The following LRRK2 variants were observed in gnomAD, a reference collection of about 807,000 sequenced individuals.
LRRK2 encodes the protein leucine-rich repeat serine/threonine-protein kinase 2.
Under a neutral mutation model 302.6 loss-of-function variants are expected in LRRK2, and 203 were observed. The ratio of observed to expected loss-of-function variants is 0.67; its 90% confidence interval spans 0.60 to 0.75. LRRK2 has a LOEUF of 0.75. Among genes scored for constraint, LRRK2 ranks in the 30% least tolerant of loss-of-function variants. The pLI is 0.00. For missense variants in LRRK2, 2,830 were observed against 2,951.0 expected (o/e 0.96, Z 0.95); for synonymous variants, 1,066 against 1,031.9 (o/e 1.03, Z -0.63).
chr12:40,257,972 C>T (rs1942598345), intron 12 of LRRK2, among the ~76,000 whole-genome samples: 1 of 151,898 alleles, frequency 6.6e-6, no homozygotes, highest in African/African-American at 2.4e-5. Flanking sequence ...GCAGAACTCT[C>T]ATGTGTAAAA....
chr12:40,308,819 C>A, intron 29 of LRRK2, 123 bp downstream of exon 29: 1 of 977,050 alleles, frequency 1.0e-6, no homozygotes, highest in South Asian at 1.5e-5. Flanking sequence ...TATTCCAAAG[C>A]CCTTCATTTC....
intron 20 of LRRK2, among the ~76,000 whole-genome samples, chr12:40,293,285 C>T (rs1458142748): frequency 1.3e-5 from 2 of 152,024 alleles, no homozygotes; most frequent in East Asian, 1.9e-4. Context: ...ATCAGTATCC[C>T]GTGCTTACCC....
At chr12:40,249,305 G>A (rs1942150421) in intron 7 of LRRK2, among the ~76,000 whole-genome samples, 1 of 151,446 alleles carries the variant, frequency 6.6e-6, no homozygotes, top group African/African-American at 2.4e-5. Context: ...GTGGGTTGGA[G>A]GTGGTGAAAT....
At chr12:40,238,407 C>G (rs1941570367) in intron 5 of LRRK2, among the ~76,000 whole-genome samples, 1 of 152,108 alleles carries the variant, frequency 6.6e-6, no homozygotes, top group Non-Finnish European at 1.5e-5. Flanking sequence ...AAAAATAAAA[C>G]TGTGAAGCCA....
chr12:40,298,999 T>C, intron 24 of LRRK2, 110 bp from the exon 25 acceptor site: 1 of 988,672 alleles, frequency 1.0e-6, no homozygotes, highest in Admixed American at 2.8e-5. Context: ...ATTTTTAAAT[T>C]AATGAGTCCT....
intron 24 of LRRK2, 71 bp from the exon 25 acceptor site, chr12:40,299,038 G>T: frequency 6.6e-7 from 1 of 1,511,686 alleles, no homozygotes; most frequent in South Asian, 1.1e-5. Flanking sequence ...AAAGCAAATT[G>T]TTTTTGATAT....
chr12:40,260,271 G>C (rs1942711511), intron 13 of LRRK2, among the ~76,000 whole-genome samples: 1 of 152,014 alleles, frequency 6.6e-6, no homozygotes, highest in Non-Finnish European at 1.5e-5. Context: ...AGATGGAAGT[G>C]TAAATAGATA....
chr12:40,298,948 A>C (rs1944516087), intron 24 of LRRK2, among the ~76,000 whole-genome samples, 161 bp from the exon 25 acceptor site: 1 of 144,232 alleles, frequency 6.9e-6, no homozygotes, highest in African/African-American at 2.5e-5. Context: ...GAGGCAATGA[A>C]TATTACAACT....
At position 40,354,466 on chromosome 12, in the gene LRRK2, G is replaced by A; in HGVS notation, c.6744G>A (p.Leu2248=). 1 of 1,614,080 alleles carries A rather than the reference G, an allele frequency of 6.2e-7. No homozygotes were observed. Residue 2248 remains leucine, a synonymous_variant, in exon 45 of 51, where the codon TTG becomes TTA. Transcript: ENST00000298910. ...AGATGACTGATTCTGTCACTTGTTT[G>A]TATTGCAATTCCTTTTCCAAGCAAA... ...LEKMTDSVTC[L]YCNSFSKQSK...
rs542083087 is a variant in LRRK2 at position 40,301,037 on chromosome 12, C to A, written c.3497-1752C>A. 1.3e-5 allele frequency: 6 copies of A among 461,982 alleles called. No individual in the cohort carries two copies. In the East Asian group the frequency reaches 4.2e-4, roughly 32 times the overall value. 28.6% of individuals were successfully genotyped at this position (461,982 alleles called of 1,614,324 possible). A position where few individuals can be genotyped will look rare whatever the true frequency, so the allele number is the denominator to read the frequency against. ...TCTGCCCAATTGAGGAAATTGAAGC[C>A]GTGAGATTTTTTGTGTGATGCTTAC... On this transcript the variant is annotated intron_variant, in intron 25 of 50. Transcript: ENST00000298910.
intron 41 of LRRK2, among the ~76,000 whole-genome samples, chr12:40,344,940 G>C (rs2136968938): frequency 6.6e-6 from 1 of 152,194 alleles, no homozygotes; most frequent in South Asian, 2.1e-4. Flanking sequence ...AATGTTATCA[G>C]TTAGTGTAGT....
intron 43 of LRRK2, among the ~76,000 whole-genome samples, chr12:40,350,731 A>G (rs17491638): frequency 0.012 from 1,780 of 152,246 alleles, 38 homozygotes; most frequent in African/African-American, 0.041. Flanking sequence ...GTTACCATCA[A>G]TGTTAGTCAC....
intron 38 of LRRK2, among the ~76,000 whole-genome samples, chr12:40,327,440 C>T (rs528202123): frequency 1.3e-5 from 2 of 152,064 alleles, no homozygotes; most frequent in Non-Finnish European, 2.9e-5. Context: ...CAGACATTAG[C>T]GTTTTAAAAA....
At chr12:40,303,523 C>CTGCTTGCATGATGCTGCAATGA (rs1944701143) in intron 26 of LRRK2, among the ~76,000 whole-genome samples, 1 of 152,154 alleles carries the variant, frequency 6.6e-6, no homozygotes, top group South Asian at 2.1e-4. Context: ...CACTAAAATG[C>CTGCTTGCATGATGCTGCAATGA]TGCTTGCATG....
At chr12:40,327,123 T>C (rs573411413) in intron 38 of LRRK2, among the ~76,000 whole-genome samples, 1 of 152,318 alleles carries the variant, frequency 6.6e-6, no homozygotes, top group Admixed American at 6.5e-5. Flanking sequence ...CCATAAATAT[T>C]GTACAAACAG....
rs1290507116 is a variant in LRRK2, at chr12:40,368,109, T to G, written c.*344T>G. 5.7e-6 allele frequency: 1 copy of G among 174,004 alleles called. No homozygotes were observed. The highest frequency in any genetic ancestry group is 2.4e-5 in the African/African-American group (1 of 41,684). The allele number at this position is 174,004 out of a possible 1,614,324, so 10.8% of individuals were successfully genotyped here. ...TTCTTGTCTGTAATGGAGGTAAACT[T>G]TATTTTAAATTCTGTGCTTAAGACA... is the stretch of plus-strand genomic sequence containing the variant. On this transcript the variant is annotated 3_prime_UTR_variant, in exon 51 of 51. Transcript: ENST00000298910.
Position 40,316,023 on chromosome 12 carries a change from C to T in LRRK2, c.4827+723C>T, listed in dbSNP as rs552457273. 2.0e-5 allele frequency among the ~76,000 whole-genome samples: 3 copies of T among 152,070 alleles called. No individual in the cohort carries two copies. The East Asian group carries it at 5.8e-4, about 29-fold the overall frequency. ...TTTATATTCGAGACGTAAGTAGTAT[C>T]CTCTAGCTGTGACAAGCAAAAATGT... On this transcript the variant is annotated intron_variant, in intron 33 of 50. Transcript: ENST00000298910.
In LRRK2 at chr12:40,295,498, A is replaced by G. The variant is rs573263484; in HGVS notation, c.2950A>G (p.Ile984Val). The G allele has an allele frequency of 6.2e-6, 10 of 1,613,934 alleles. No individual in the cohort carries two copies. The highest frequency in any genetic ancestry group is 8.5e-6 in the Non-Finnish European group (10 of 1,179,984). Residue 984 changes from isoleucine (I) to valine (V), a missense_variant, in exon 23 of 51, where the codon ATT becomes GTT. Coordinates refer to ENST00000298910, the MANE Select transcript of LRRK2 (RefSeq NM_198578.4). ...TTCTCTGGCTTCTGAGAGAGAATAT[A>G]TTACATCACTAGACCTTTCAGCAAA... ...ISSLASEREY[I>V]TSLDLSANEL... is the part of the protein sequence containing the mutation.
intron 2 of LRRK2, among the ~76,000 whole-genome samples, chr12:40,230,831 A>G (rs1941144864): frequency 6.6e-6 from 1 of 152,094 alleles, no homozygotes; most frequent in Non-Finnish European, 1.5e-5. Context: ...TTCAGAGGTA[A>G]AGAGCAACTT....
Sources: gnomAD v4.1 joint callset for allele counts (sites outside exome capture counted in the v4.1 genomes callset) on GRCh38, gnomAD v4.1.1 for gene constraint, MANE v1.5 for transcripts, NCBI Gene and HGNC (gene_info 2026-07-23, HGNC 2026-07-21) for gene names.